HECW1: variants seen among roughly 807,000 people sequenced by gnomAD.
HECW1 encodes E3 ubiquitin-protein ligase HECW1.
HECW1 carries 61 observed loss-of-function variants against 182.3 expected under a neutral mutation model. The ratio of observed to expected loss-of-function variants is 0.33; its 90% CI spans 0.27 to 0.41. The LOEUF is 0.41. HECW1 is among the 10% of genes least tolerant of loss of function. HECW1 has a pLI of 1.00. For synonymous variants in HECW1, 859 were observed against 832.6 expected (o/e 1.03, Z -0.55); for missense variants, 1,739 against 2,108.9 (o/e 0.82, Z 3.44).
intron 2 of HECW1, among the ~76,000 whole-genome samples, chr7:43,238,488 G>C (rs549509667): frequency 2.0e-5 from 3 of 152,274 alleles, no homozygotes; most frequent in African/African-American, 7.2e-5. Context: ...TGTTCCTCTA[G>C]GGACAAACTG....
intron 13 of HECW1, 49 bp from the exon 14 acceptor site, chr7:43,463,611 A>G (rs563013423): frequency 3.8e-6 from 6 of 1,580,904 alleles, no homozygotes; most frequent in Non-Finnish European, 5.2e-6. Flanking sequence ...TTTGGCCCCC[A>G]AGGAGCAAAC....
At chr7:43,559,378 A>C (rs1471310359) in intron 29 of HECW1, among the ~76,000 whole-genome samples, 8 of 152,198 alleles carry the variant, frequency 5.3e-5, no homozygotes. Flanking sequence ...GTCACGTGCA[A>C]AACTCCAGAG....
intron 5 of HECW1, among the ~76,000 whole-genome samples, chr7:43,349,859 C>T (rs189539993): frequency 2.6e-5 from 4 of 152,240 alleles, no homozygotes; most frequent in South Asian, 2.1e-4. Flanking sequence ...ATGTAAGTAT[C>T]GAAATATGAG....
chr7:43,248,021 A>C (rs1799607784), intron 3 of HECW1, among the ~76,000 whole-genome samples: 2 of 143,242 alleles, frequency 1.4e-5, no homozygotes, highest in Non-Finnish European at 3.1e-5. Context: ...GAGAAAGAAG[A>C]AAGCAAGCAA....
At chr7:43,215,003 T>G (rs1402000654) in intron 2 of HECW1, among the ~76,000 whole-genome samples, 1 of 152,244 alleles carries the variant, frequency 6.6e-6, no homozygotes, top group Non-Finnish European at 1.5e-5. Flanking sequence ...AGGTGCAAGG[T>G]AGCCTACCCC....
intron 24 of HECW1, among the ~76,000 whole-genome samples, chr7:43,533,985 C>A (rs149534421): frequency 6.6e-6 from 1 of 152,296 alleles, no homozygotes; most frequent in Non-Finnish European, 1.5e-5. Flanking sequence ...TCACCCAAAG[C>A]AGGAGACCCC....
chr7:43,561,674 T>G, intron 29 of HECW1, 141 bp from the exon 30 acceptor site: 1 of 606,102 alleles, frequency 1.6e-6, no homozygotes, highest in South Asian at 2.0e-5. Context: ...CTCTTTAGTG[T>G]GCAATGTTTT....
At chr7:43,502,735 C>T (rs1452427944) in intron 21 of HECW1, among the ~76,000 whole-genome samples, 1 of 152,206 alleles carries the variant, frequency 6.6e-6, no homozygotes. Flanking sequence ...ATCCATACCT[C>T]CAGACTGGAT....
intron 2 of HECW1, among the ~76,000 whole-genome samples, chr7:43,171,599 A>AGATGC (rs1386110211): frequency 6.6e-6 from 1 of 152,234 alleles, no homozygotes; most frequent in African/African-American, 2.4e-5. Context: ...AGGTTTTAAC[A>AGATGC]GATGCATGCA....
intron 2 of HECW1, among the ~76,000 whole-genome samples, chr7:43,211,135 C>A (rs1795974379): frequency 6.6e-6 from 1 of 152,138 alleles, no homozygotes; most frequent in Non-Finnish European, 1.5e-5. Context: ...CGGGTGTGAG[C>A]TAAGTTGCAA....
At chr7:43,160,932 T>A (rs1371884107) in intron 2 of HECW1, among the ~76,000 whole-genome samples, 1 of 152,094 alleles carries the variant, frequency 6.6e-6, no homozygotes, top group African/African-American at 2.4e-5. Context: ...CCTTATTCAA[T>A]TTACTTTCCT....
chr7:43,488,428 A>AAGAGAG (rs768380245), intron 17 of HECW1, among the ~76,000 whole-genome samples: 1 of 108,034 alleles, frequency 9.3e-6, no homozygotes, highest in Non-Finnish European at 1.9e-5. Context: ...GAGAGAAAGA[A>AAGAGAG]AGAAAGAGAA....
intron 6 of HECW1, among the ~76,000 whole-genome samples, chr7:43,371,055 T>G (rs1324325572): frequency 3.3e-5 from 5 of 151,922 alleles, no homozygotes; most frequent in African/African-American, 1.2e-4. Flanking sequence ...GTCTGGCTAA[T>G]TTTTTGTATT....
intron 6 of HECW1, among the ~76,000 whole-genome samples, chr7:43,372,513 C>T (rs1321714891): frequency 1.3e-5 from 2 of 152,074 alleles, no homozygotes; most frequent in Non-Finnish European, 2.9e-5. Context: ...TGCTATCCCT[C>T]CCCGCTCCCC....
intron 2 of HECW1, among the ~76,000 whole-genome samples, chr7:43,225,791 C>CT (rs919183942): frequency 1.5e-3 from 222 of 146,812 alleles, no homozygotes; most frequent in African/African-American, 4.6e-3. Flanking sequence ...CTGAATAGAT[C>CT]TTTTTTTTTT....
At chr7:43,170,755 A>C (rs1452734802) in intron 2 of HECW1, among the ~76,000 whole-genome samples, 1 of 152,228 alleles carries the variant, frequency 6.6e-6, no homozygotes, top group Non-Finnish European at 1.5e-5. Context: ...AGTGGATGCC[A>C]GCTATCCAGT....
intron 12 of HECW1, among the ~76,000 whole-genome samples, chr7:43,451,965 T>A (rs77723516): frequency 1.4e-3 from 208 of 152,344 alleles, no homozygotes; most frequent in African/African-American, 4.9e-3. Context: ...CTTGGTAATG[T>A]GCTGTACTTT....
At chr7:43,424,486 G>C (rs2076292302) in intron 8 of HECW1, among the ~76,000 whole-genome samples, 1 of 152,062 alleles carries the variant, frequency 6.6e-6, no homozygotes, top group Non-Finnish European at 1.5e-5. Context: ...AGCTGAGCCT[G>C]GTGTTGTGTG....
At chr7:43,279,182 C>G (rs892766821) in intron 3 of HECW1, among the ~76,000 whole-genome samples, 1 of 152,094 alleles carries the variant, frequency 6.6e-6, no homozygotes, top group Non-Finnish European at 1.5e-5. Flanking sequence ...AAGGGCATTC[C>G]CCTTCCAGCT....
Sources: allele counts gnomAD v4.1 joint callset (sites outside exome capture counted in the v4.1 genomes callset), GRCh38; gene constraint gnomAD v4.1.1; transcripts MANE v1.5; gene names NCBI Gene and HGNC (gene_info 2026-07-23, HGNC 2026-07-21).